The following OXCT1 variants were observed in gnomAD, a reference collection of about 807,000 sequenced individuals.
OXCT1 encodes the protein 3-oxoacid CoA-transferase 1.
A neutral mutation model predicts 69.6 loss-of-function variants in OXCT1; 27 were observed. The ratio of observed to expected loss-of-function variants is 0.39; its 90% CI spans 0.29 to 0.54. OXCT1 has a LOEUF of 0.54. Ranked by LOEUF, OXCT1 falls within the 20% of genes least tolerant of loss-of-function variation. The pLI, the probability that OXCT1 is intolerant of heterozygous loss-of-function variation, is 0.72. For synonymous variants in OXCT1, 202 were observed against 217.8 expected, an observed-to-expected ratio of 0.93 and a Z score of 0.64; for missense variants, 437 against 650.2, an observed-to-expected ratio of 0.67 and a Z score of 3.57.
intron 7 of OXCT1, among the ~76,000 whole-genome samples, chr5:41,832,308 A>G (rs1579832987): frequency 6.6e-6 from 1 of 151,008 alleles, no homozygotes; most frequent in East Asian, 1.9e-4. Flanking sequence ...GTATCACCAC[A>G]CCCCCAGTTC....
chr5:41,863,015 AGGAAAGTAC>A (rs1372042466), intron 1 of OXCT1, among the ~76,000 whole-genome samples: 2 of 152,022 alleles, frequency 1.3e-5, no homozygotes, highest in African/African-American at 4.8e-5. Context: ...CTGTCACCCC[AGGAAAGTAC>A]GGTACAATAA....
intron 16 of OXCT1, among the ~76,000 whole-genome samples, chr5:41,738,034 A>G (rs1054984296): frequency 1.3e-5 from 2 of 152,170 alleles, no homozygotes; most frequent in Admixed American, 6.5e-5. Flanking sequence ...CAGCCTGGGC[A>G]ACAGAACAAG....
At position 41,733,371 on chromosome 5, in the gene OXCT1, C is replaced by T. The variant is rs1453195730; in HGVS notation, c.1522-1601G>A. Among the ~76,000 whole-genome samples, 3 of 152,088 alleles carry T rather than the reference C, an allele frequency of 2.0e-5. No individual in the cohort carries two copies. The East Asian group carries it at 5.8e-4, about 29-fold the overall frequency. ...AAGCGATTCTCCTGCCTTAGCCTCC[C>T]AAGTAGCTGGGATTACAGGCATGTG... On this transcript the variant is annotated intron_variant, in intron 16 of 16. Coordinates refer to ENST00000196371, the MANE Select transcript of OXCT1 (RefSeq NM_000436.4).
intron 13 of OXCT1, among the ~76,000 whole-genome samples, chr5:41,786,219 A>G (rs1745636943): frequency 6.6e-6 from 1 of 152,164 alleles, no homozygotes; most frequent in African/African-American, 2.4e-5. Flanking sequence ...GGGGGTCTCT[A>G]AAGACAACTG....
Position 41,870,296 on chromosome 5 carries a change from C to G in OXCT1, c.63G>C (p.Gly21=). 1 of 1,613,884 alleles carries G rather than the reference C, an allele frequency of 6.2e-7. No homozygotes were observed. Among genetic ancestry groups the G allele is most frequent in the East Asian group, 2.2e-5 (1 of 44,858 alleles). The change falls in exon 1 of 17, where the codon GGG becomes GGC. Residue 21 remains glycine, a synonymous_variant. Transcript: ENST00000196371. The surrounding 1 kb of genome is among the most constrained non-coding windows in gnomAD (Gnocchi z 4.2). ...CGCACTTTACCTTGTACCAGGTTGC[C>G]CCAGATCCGCGGGCAGAGGCGCAGA... is the stretch of plus-strand genomic sequence containing the variant. The part of the protein sequence containing the change: ...LRLCASARGS[G]ATWYKGCVCS...
At chr5:41,755,522 C>T (rs1430079031) in intron 14 of OXCT1, among the ~76,000 whole-genome samples, 1 of 152,072 alleles carries the variant, frequency 6.6e-6, no homozygotes. Context: ...TTTTGAGCTA[C>T]TTTTCAATGT....
intron 14 of OXCT1, among the ~76,000 whole-genome samples, chr5:41,759,234 T>C (rs573270764): frequency 9.3e-4 from 141 of 152,134 alleles, no homozygotes; most frequent in African/African-American, 3.3e-3. Context: ...CTCTGTCACT[T>C]TCCTGGATAA....
chr5:41,749,294 C>G (rs1257876702), intron 15 of OXCT1, among the ~76,000 whole-genome samples: 1 of 152,034 alleles, frequency 6.6e-6, no homozygotes, highest in East Asian at 1.9e-4. Context: ...CTGATTATAG[C>G]ACACTGTCAA....
At chr5:41,743,871 T>G (rs922438493) in intron 15 of OXCT1, among the ~76,000 whole-genome samples, 1 of 152,210 alleles carries the variant, frequency 6.6e-6, no homozygotes, top group Non-Finnish European at 1.5e-5. Flanking sequence ...CATGCTGTTT[T>G]GGTTACTGTA....
intron 14 of OXCT1, among the ~76,000 whole-genome samples, chr5:41,761,318 A>C (rs537852748): frequency 1.1e-4 from 17 of 152,214 alleles, no homozygotes; most frequent in African/African-American, 3.6e-4. Context: ...ACTTCGGGCA[A>C]GTTACTTAAC....
chr5:41,733,244 C>CT lies in OXCT1; in HGVS notation c.1522-1475dup, dbSNP rs35461928. Among the ~76,000 whole-genome samples, 1,055 of 128,000 alleles carry CT rather than the reference C, an allele frequency of 8.2e-3. 14 individuals carry two copies. Among genetic ancestry groups the CT allele is most frequent in the African/African-American group, 0.022 (747 of 34,212 alleles). 84.0% of individuals were successfully genotyped at this position (128,000 alleles called of 152,430 possible). A position where few individuals can be genotyped will look rare whatever the true frequency, so the allele number is the denominator to read the frequency against. On this transcript the variant is annotated intron_variant, in intron 16 of 16. Transcript: ENST00000196371. ...CATCTGTGGAAATAATTTAGTGAAA[C>CT]TTTTTTTTTTTTTTTTTTTGAGACG...
At chr5:41,845,170 C>A (rs182775510) in intron 5 of OXCT1, among the ~76,000 whole-genome samples, 1 of 152,276 alleles carries the variant, frequency 6.6e-6, no homozygotes, top group East Asian at 1.9e-4. Flanking sequence ...GTTCCCCAAA[C>A]ACGGCAAGCC....
intron 14 of OXCT1, among the ~76,000 whole-genome samples, chr5:41,760,351 T>C (rs952716063): frequency 6.6e-6 from 1 of 152,100 alleles, no homozygotes; most frequent in African/African-American, 2.4e-5. Flanking sequence ...CTCATTCCAA[T>C]TCTGTTTTAA....
chr5:41,826,325 G>T (rs1579819973), intron 7 of OXCT1, among the ~76,000 whole-genome samples: 1 of 152,310 alleles, frequency 6.6e-6, no homozygotes, highest in East Asian at 1.9e-4. Flanking sequence ...AACTTTGGAA[G>T]ACAGGGAAAG....
At chr5:41,763,202 G>C (rs1744430750) in intron 13 of OXCT1, among the ~76,000 whole-genome samples, 1 of 152,014 alleles carries the variant, frequency 6.6e-6, no homozygotes, top group South Asian at 2.1e-4. Context: ...ACAGGTCAAT[G>C]AAACAGAACA....
chr5:41,852,271 T>G (rs1273916670), intron 4 of OXCT1, among the ~76,000 whole-genome samples: 3 of 152,196 alleles, frequency 2.0e-5, no homozygotes, highest in Non-Finnish European at 4.4e-5. Flanking sequence ...TGCTATGGTA[T>G]GTACAGGTAA....
At chr5:41,837,597 C>A (rs1284090348) in intron 7 of OXCT1, among the ~76,000 whole-genome samples, 17 of 110,050 alleles carry the variant, frequency 1.5e-4, no homozygotes, top group Admixed American at 3.7e-4. Context: ...AAATAATTGT[C>A]AAGGAAGGTC....
At chr5:41,750,127 GT>G (rs1246263370) in intron 14 of OXCT1, among the ~76,000 whole-genome samples, 1 of 73,356 alleles carries the variant, frequency 1.4e-5, no homozygotes, top group Non-Finnish European at 2.7e-5. Flanking sequence ...ATTCTAGTGT[GT>G]TTTTTGGTTT....
chr5:41,731,545 G>C lies in OXCT1; in HGVS notation c.*184C>G. On this transcript the variant is annotated 3_prime_UTR_variant, in exon 17 of 17. Transcript: ENST00000196371. Reference sequence around the variant, plus strand: ...TGAGATAATTATAAATGCTCCTTTTGCTTTTTATTAAAATGTCACAGCATG... The same window carrying C: ...TGAGATAATTATAAATGCTCCTTTTCCTTTTTATTAAAATGTCACAGCATG... 4.0e-6 allele frequency: 4 copies of C among 995,374 alleles called. No individual in the cohort carries two copies. The South Asian group carries it at 7.1e-5, about 18-fold the overall frequency. 61.7% of individuals were successfully genotyped at this position (995,374 alleles called of 1,614,324 possible).
Sources: gnomAD v4.1 joint callset for allele counts (sites outside exome capture counted in the v4.1 genomes callset) on GRCh38, gnomAD v4.1.1 for gene constraint, Gnocchi (gnomAD v3.1) non-coding constraint, MANE v1.5 for transcripts, NCBI Gene and HGNC (gene_info 2026-07-23, HGNC 2026-07-21) for gene names.